THSD7A: variants seen among roughly 807,000 people sequenced by gnomAD.
The protein encoded by THSD7A is thrombospondin type-1 domain-containing protein 7A.
THSD7A carries 96 observed loss-of-function variants against 231.3 expected under a neutral mutation model. The ratio of observed to expected loss-of-function variants is 0.41; its 90% confidence interval spans 0.35 to 0.49. THSD7A has a LOEUF of 0.49. Among genes scored for constraint, THSD7A ranks in the 20% least tolerant of loss-of-function variants. The pLI, the probability that THSD7A is intolerant of heterozygous loss-of-function variation, is 0.05. For missense variants in THSD7A, 2,290 were observed against 2,070.2 expected (o/e 1.11, Z -2.06); for synonymous variants, 940 against 743.3 (o/e 1.26, Z -4.30).
intron 1 of THSD7A, among the ~76,000 whole-genome samples, chr7:11,669,719 A>G (rs1310115821): frequency 2.0e-5 from 3 of 152,118 alleles, no homozygotes; most frequent in African/African-American, 7.2e-5. Flanking sequence ...AGTCATAACT[A>G]GAATCCAATG....
chr7:11,429,744 G>T (rs969124618), intron 13 of THSD7A, among the ~76,000 whole-genome samples: 2 of 152,168 alleles, frequency 1.3e-5, no homozygotes, highest in African/African-American at 2.4e-5. Context: ...TGTATGAATT[G>T]TGCAAGTATT....
chr7:11,636,128 A>C lies in THSD7A; in HGVS notation c.1022+2T>G. The C allele has an allele frequency of 6.2e-7, 1 of 1,606,056 alleles. No individual in the cohort carries two copies. ...TGTAGTTAACAGTAATTAAAATGTT[A>C]CCTTAAATCAGCAGCTTTCCCCGTC... On this transcript the variant is annotated splice_donor_variant, in intron 2 of 27. Coordinates refer to ENST00000423059, the MANE Select transcript of THSD7A (RefSeq NM_015204.3). LOFTEE classifies it high-confidence loss of function. This position sits in a 1 kb window ranked among gnomAD's most constrained non-coding sequence, Gnocchi z 10.0.
At chr7:11,783,274 A>C (rs771804985) in intron 1 of THSD7A, among the ~76,000 whole-genome samples, 30 of 152,322 alleles carry the variant, frequency 2.0e-4, no homozygotes, top group African/African-American at 7.0e-4. Flanking sequence ...CAGAACACTT[A>C]CATTAGCCTA....
chr7:11,543,667 A>C (rs1262320662), intron 4 of THSD7A, among the ~76,000 whole-genome samples: 1 of 152,190 alleles, frequency 6.6e-6, no homozygotes, highest in Non-Finnish European at 1.5e-5. Context: ...TGCTCACTGA[A>C]TTATTTCCAA....
intron 6 of THSD7A, among the ~76,000 whole-genome samples, chr7:11,527,165 G>C (rs925193583): frequency 2.6e-5 from 4 of 152,018 alleles, no homozygotes; most frequent in Admixed American, 6.6e-5. Context: ...TATCCAGAAG[G>C]CTCTCCATAT....
At chr7:11,487,692 G>T (rs1036776115) in intron 6 of THSD7A, among the ~76,000 whole-genome samples, 1 of 152,030 alleles carries the variant, frequency 6.6e-6, no homozygotes, top group Non-Finnish European at 1.5e-5. Flanking sequence ...TTACATGGTG[G>T]CAGGCAAGAG....
Position 11,374,958 on chromosome 7 carries a change from G to T in THSD7A, c.*836C>A, listed in dbSNP as rs1230605823. ...AAGAGGCAGTTTCTATGGCAATACT[G>T]GTTAAGCGCCTATCGTGCTGCACTA... is the stretch of plus-strand genomic sequence containing the variant. On this transcript the variant is annotated 3_prime_UTR_variant, in exon 28 of 28. Coordinates refer to ENST00000423059, the MANE Select transcript of THSD7A (RefSeq NM_015204.3). 2 of 152,026 alleles carry T rather than the reference G, an allele frequency of 1.3e-5. No homozygotes were observed. Among genetic ancestry groups the T allele is most frequent in the African/African-American group, 4.8e-5 (2 of 41,406 alleles). 9.4% of individuals were successfully genotyped at this position (152,026 alleles called of 1,614,324 possible). A position where few individuals can be genotyped will look rare whatever the true frequency, so the allele number is the denominator to read the frequency against.
At chr7:11,443,184 A>G (rs1028911892) in intron 13 of THSD7A, among the ~76,000 whole-genome samples, 1 of 152,118 alleles carries the variant, frequency 6.6e-6, no homozygotes, top group Non-Finnish European at 1.5e-5. Context: ...CTGGAAGCTC[A>G]CAGGTAATGT....
intron 1 of THSD7A, among the ~76,000 whole-genome samples, chr7:11,660,716 A>C (rs1188397183): frequency 6.6e-6 from 1 of 151,508 alleles, no homozygotes; most frequent in Non-Finnish European, 1.5e-5. Flanking sequence ...ATATGGATTA[A>C]GTAGGTAAAT....
intron 4 of THSD7A, among the ~76,000 whole-genome samples, chr7:11,561,381 G>A (rs7801865): frequency 0.22 from 33,793 of 152,056 alleles, 4,251 homozygotes; most frequent in Admixed American, 0.4. Flanking sequence ...CTTCTGTGCC[G>A]CAGTGAGAAA....
In THSD7A at chr7:11,379,732, G is replaced by A; in HGVS notation, c.4508-20C>T. ...AGCCCCCTGCGGAACAGAAAATCAT[G>A]TTTTGACAAATAATATATTTTGCTA... is the stretch of plus-strand genomic sequence containing the variant. On this transcript the variant is annotated intron_variant, in intron 24 of 27. Coordinates refer to ENST00000423059, the MANE Select transcript of THSD7A (RefSeq NM_015204.3). 6.4e-7 allele frequency: 1 copy of A among 1,564,222 alleles called. No homozygotes were observed. The highest frequency in any genetic ancestry group is 8.7e-7 in the Non-Finnish European group (1 of 1,153,188).
rs879259927 is a variant in THSD7A, at chr7:11,418,823, AT to A, written c.3384-1221del. On this transcript the variant is annotated intron_variant, in intron 16 of 27. Transcript: ENST00000423059. Reference sequence around the variant, plus strand: ...TACCCAAACAAATACCTACCTGTGCATTTTTTTTTTGTATACTGGATACATA... The same window carrying A: ...TACCCAAACAAATACCTACCTGTGCATTTTTTTTTGTATACTGGATACATA... Among the ~76,000 whole-genome samples, 689 of 148,954 alleles carry A rather than the reference AT, an allele frequency of 4.6e-3. 1 individual carries two copies. Among genetic ancestry groups the A allele is most frequent in the African/African-American group, 9.1e-3 (373 of 40,824 alleles).
intron 16 of THSD7A, among the ~76,000 whole-genome samples, chr7:11,419,180 T>C (rs1486139027): frequency 1.3e-5 from 2 of 152,214 alleles, no homozygotes; most frequent in East Asian, 3.9e-4. Context: ...GTTATGTCCA[T>C]AAATCTTTAT....
chr7:11,373,897 C>G lies in THSD7A; in HGVS notation c.*1897G>C, dbSNP rs752094116. On this transcript the variant is annotated 3_prime_UTR_variant, in exon 28 of 28. Coordinates refer to ENST00000423059, the MANE Select transcript of THSD7A (RefSeq NM_015204.3). ...CACAAAGGTTGTTGCAATAATGTTG[C>G]CTGAAAATGGTATTGCTTTTTAATG... 6.6e-6 allele frequency: 1 copy of G among 151,978 alleles called. No individual in the cohort carries two copies. Among genetic ancestry groups the G allele is most frequent in the Non-Finnish European group, 1.5e-5 (1 of 67,970 alleles). The allele number at this position is 151,978 out of a possible 1,614,324, so 9.4% of individuals were successfully genotyped here.
At chr7:11,702,300 G>T (rs544276888) in intron 1 of THSD7A, among the ~76,000 whole-genome samples, 123 of 151,290 alleles carry the variant, frequency 8.1e-4, no homozygotes, top group Non-Finnish European at 1.3e-3. Context: ...TGAAAGGTCT[G>T]GCGAAAAATC....
intron 4 of THSD7A, among the ~76,000 whole-genome samples, chr7:11,563,854 T>C (rs1416073829): frequency 1.3e-5 from 2 of 152,220 alleles, no homozygotes; most frequent in Admixed American, 6.5e-5. Flanking sequence ...TGCTTGATCA[T>C]AGATCGCATC....
intron 1 of THSD7A, among the ~76,000 whole-genome samples, chr7:11,820,038 A>T (rs1784822064): frequency 6.6e-6 from 1 of 151,074 alleles, no homozygotes; most frequent in Non-Finnish European, 1.5e-5. Context: ...CCCTGCCCCC[A>T]CCCCACACAC....
intron 1 of THSD7A, among the ~76,000 whole-genome samples, chr7:11,771,498 G>C (rs533871142): frequency 6.6e-6 from 1 of 151,994 alleles, no homozygotes; most frequent in East Asian, 1.9e-4. Flanking sequence ...GTAACCATCA[G>C]ATAACAATCT....
intron 2 of THSD7A, among the ~76,000 whole-genome samples, chr7:11,596,641 A>C (rs972481560): frequency 2.6e-5 from 4 of 152,180 alleles, no homozygotes; most frequent in Non-Finnish European, 4.4e-5. Context: ...GATTAGTGCC[A>C]CCATCAAGGA....
Sources: gnomAD v4.1 joint callset for allele counts (sites outside exome capture counted in the v4.1 genomes callset) on GRCh38, gnomAD v4.1.1 for gene constraint, Gnocchi (gnomAD v3.1) non-coding constraint, MANE v1.5 for transcripts, NCBI Gene and HGNC (gene_info 2026-07-23, HGNC 2026-07-21) for gene names.